The following KCNQ1OT1 variants were observed in gnomAD, a reference collection of about 807,000 sequenced individuals.
The protein encoded by KCNQ1OT1 is KCNQ1 antisense RNA 2 (non-protein coding).
In KCNQ1OT1 at chr11:2,652,780, C is replaced by T. The variant is rs145116772; in HGVS notation, n.47215G>A. 2.4e-3 allele frequency: 960 copies of T among 399,172 alleles called. 4 individuals are homozygous for T. The highest frequency in any genetic ancestry group is 0.017 in the African/African-American group (842 of 48,748). The allele number at this position is 399,172 out of a possible 1,614,324, so 24.7% of individuals were successfully genotyped here. A position where few individuals can be genotyped will look rare whatever the true frequency, so the allele number is the denominator to read the frequency against. ...CACTGCCTGTCTTCCTCAGCGCCCC[C>T]GCTACTCAGACCCCACCCTTGGGCC... On this transcript the variant is annotated non_coding_transcript_exon_variant, in exon 1 of 1. Transcript: ENST00000597346. The surrounding 1 kb of genome is among the most constrained non-coding windows in gnomAD (Gnocchi z 5.9).
In KCNQ1OT1 at chr11:2,674,149, G is replaced by A; in HGVS notation, n.25846C>T. 2.5e-6 allele frequency: 1 copy of A among 398,758 alleles called. No homozygotes were observed. The highest frequency in any genetic ancestry group is 4.4e-6 in the Non-Finnish European group (1 of 226,192). The allele number at this position is 398,758 out of a possible 1,614,324, so 24.7% of individuals were successfully genotyped here. The stretch of plus-strand genomic sequence containing the variant: ...CCGGGGCCACCCAGTGTGGGCTCAG[G>A]AAGGGAAGGAATGTGACCAAGGCTG... On this transcript the variant is annotated non_coding_transcript_exon_variant, in exon 1 of 1. Transcript: ENST00000597346. The surrounding 1 kb of genome is among the most constrained non-coding windows in gnomAD (Gnocchi z 5.9).
chr11:2,674,890 G>C lies in KCNQ1OT1; in HGVS notation n.25105C>G, dbSNP rs911579677. 1 of 380,806 alleles carries C rather than the reference G, an allele frequency of 2.6e-6. No individual in the cohort carries two copies. The highest frequency in any genetic ancestry group is 4.6e-6 in the Non-Finnish European group (1 of 217,592). 23.6% of individuals were successfully genotyped at this position (380,806 alleles called of 1,614,324 possible). On this transcript the variant is annotated non_coding_transcript_exon_variant, in exon 1 of 1. Transcript: ENST00000597346. The surrounding 1 kb of genome is among the most constrained non-coding windows in gnomAD (Gnocchi z 5.9). ...ACTGGGCACCTTGGCTGCAGGGTCT[G>C]AAAAGTCCTTTGTGTTAGCTCCAGC... is the stretch of plus-strand genomic sequence containing the variant.
exon 1 of KCNQ1OT1, chr11:2,699,673 C>T: frequency 5.6e-6 from 2 of 355,248 alleles, no homozygotes; most frequent in African/African-American, 2.2e-5. Context: ...CGGGGAGAAC[C>T]GCGCCGAAAA....
chr11:2,666,045 C>T lies in KCNQ1OT1; in HGVS notation n.33950G>A, dbSNP rs111519469. 8.6e-3 allele frequency: 3,419 copies of T among 398,654 alleles called. 20 individuals carry two copies. Among genetic ancestry groups the T allele is most frequent in the Admixed American group, 0.011 (257 of 22,742 alleles). The allele number at this position is 398,654 out of a possible 1,614,324, so 24.7% of individuals were successfully genotyped here. On this transcript the variant is annotated non_coding_transcript_exon_variant, in exon 1 of 1. Coordinates refer to ENST00000597346, the Ensembl canonical transcript of KCNQ1OT1. ...GTTGCACATGGATACCTGAGATAGA[C>T]GGCCCAAGAGGACAGGCCCATAAGC...
chr11:2,646,940 C>A, exon 1 of KCNQ1OT1: 1 of 398,608 alleles, frequency 2.5e-6, no homozygotes, highest in South Asian at 1.3e-4. Flanking sequence ...CTGCAAAGGA[C>A]AATATGACAT....
In KCNQ1OT1 at chr11:2,620,799, T is replaced by G. The variant is rs986744526; in HGVS notation, n.79196A>C. On this transcript the variant is annotated non_coding_transcript_exon_variant, in exon 1 of 1. Transcript: ENST00000597346. The surrounding 1 kb of genome is among the most constrained non-coding windows in gnomAD (Gnocchi z 4.5). ...GCACAGTGGCTGAACTAATTTGTAT[T>G]CCTGCCAACAGTGTATAAGCGTTCC... 2.5e-6 allele frequency: 1 copy of G among 398,542 alleles called. No homozygotes were observed. The highest frequency in any genetic ancestry group is 4.4e-6 in the Non-Finnish European group (1 of 226,086). 24.7% of individuals were successfully genotyped at this position (398,542 alleles called of 1,614,324 possible).
rs780637677 is a variant in KCNQ1OT1, at chr11:2,674,681, GT to G, written n.25313del. On this transcript the variant is annotated non_coding_transcript_exon_variant, in exon 1 of 1. Coordinates refer to ENST00000597346, the Ensembl canonical transcript of KCNQ1OT1. The surrounding 1 kb of genome is among the most constrained non-coding windows in gnomAD (Gnocchi z 5.9). ...TTTTGCAAAATAATTTGAAAAGTTTGTTGAACCTTAAACCTTTCCTGATGAC... is the reference window on the plus strand; with the variant it reads ...TTTTGCAAAATAATTTGAAAAGTTTGTGAACCTTAAACCTTTCCTGATGAC... 3.3e-4 allele frequency: 130 copies of G among 398,380 alleles called. No homozygotes were observed. Among genetic ancestry groups the G allele is most frequent in the Admixed American group, 4.4e-5 (1 of 22,708 alleles). The allele number at this position is 398,380 out of a possible 1,614,324, so 24.7% of individuals were successfully genotyped here.
chr11:2,610,064 C>T, exon 1 of KCNQ1OT1: 3 of 397,770 alleles, frequency 7.5e-6, no homozygotes, highest in Non-Finnish European at 1.3e-5. Context: ...TTGGTCTTTT[C>T]TATGTACTAT....
Position 2,691,186 on chromosome 11 carries a change from C to G in KCNQ1OT1, n.8809G>C. Reference sequence around the variant, plus strand: ...ACAGCCTTGGGAGGGGTGCTCAGAGCTCAGCTGTGTTTAAAAATTAGCAAG... The same window carrying G: ...ACAGCCTTGGGAGGGGTGCTCAGAGGTCAGCTGTGTTTAAAAATTAGCAAG... On this transcript the variant is annotated non_coding_transcript_exon_variant, in exon 1 of 1. Coordinates refer to ENST00000597346, the Ensembl canonical transcript of KCNQ1OT1. The surrounding 1 kb of genome is among the most constrained non-coding windows in gnomAD (Gnocchi z 6.4). 5.0e-6 allele frequency: 2 copies of G among 398,670 alleles called. No homozygotes were observed. The highest frequency in any genetic ancestry group is 4.4e-6 in the Non-Finnish European group (1 of 226,112). 24.7% of individuals were successfully genotyped at this position (398,670 alleles called of 1,614,324 possible).
exon 1 of KCNQ1OT1, chr11:2,655,287 G>A (rs1849825828): frequency 7.5e-6 from 3 of 398,576 alleles, no homozygotes; most frequent in Non-Finnish European, 1.3e-5. Flanking sequence ...GTTTTGTTCT[G>A]CCCTGAAAAT....
chr11:2,681,201 T>G (rs1326039998), exon 1 of KCNQ1OT1: 3 of 398,520 alleles, frequency 7.5e-6, no homozygotes, highest in Non-Finnish European at 1.3e-5. Flanking sequence ...TTTTGCAGTG[T>G]TTGTGTTCTA....
chr11:2,631,836 A>G (rs1222136241), exon 1 of KCNQ1OT1: 1 of 398,554 alleles, frequency 2.5e-6, no homozygotes, highest in Non-Finnish European at 4.4e-6. Context: ...TGTCGTGTAA[A>G]TAGAGTTGTG....
At position 2,674,847 on chromosome 11, in the gene KCNQ1OT1, A is replaced by AAT; in HGVS notation, n.25147_25148insAT. The AAT allele has an allele frequency of 2.5e-6, 1 of 396,740 alleles. No individual in the cohort carries two copies. Among genetic ancestry groups the AAT allele is most frequent in the Non-Finnish European group, 4.4e-6 (1 of 225,568 alleles). The allele number at this position is 396,740 out of a possible 1,614,324, so 24.6% of individuals were successfully genotyped here. On this transcript the variant is annotated non_coding_transcript_exon_variant, in exon 1 of 1. Transcript: ENST00000597346. This position sits in a 1 kb window ranked among gnomAD's most constrained non-coding sequence, Gnocchi z 5.9. ...AGCTGTTTTTTAAAAAAAAAAAAAA[A>AAT]AAAAAAAAAAAAAGCTCACTGGGCA...
At chr11:2,693,369 G>A in exon 1 of KCNQ1OT1, 1 of 398,760 alleles carries the variant, frequency 2.5e-6, no homozygotes, top group Non-Finnish European at 4.4e-6. Flanking sequence ...GCCGAGTCTG[G>A]CCAAGCAGCA....
Position 2,669,642 on chromosome 11 carries a change from T to C in KCNQ1OT1, n.30353A>G. 2 of 398,654 alleles carry C rather than the reference T, an allele frequency of 5.0e-6. No individual in the cohort carries two copies. Among genetic ancestry groups the C allele is most frequent in the Non-Finnish European group, 8.8e-6 (2 of 226,076 alleles). 24.7% of individuals were successfully genotyped at this position (398,654 alleles called of 1,614,324 possible). A position where few individuals can be genotyped will look rare whatever the true frequency, so the allele number is the denominator to read the frequency against. On this transcript the variant is annotated non_coding_transcript_exon_variant, in exon 1 of 1. Transcript: ENST00000597346. The surrounding 1 kb of genome is among the most constrained non-coding windows in gnomAD (Gnocchi z 5.6). The stretch of plus-strand genomic sequence containing the variant: ...CTATCAGCCTCAGTTTCCTCTTGTA[T>C]ACATTGGGAGTATATCTCACAGTAT...
chr11:2,614,105 C>T, exon 1 of KCNQ1OT1: 2 of 398,510 alleles, frequency 5.0e-6, no homozygotes, highest in Non-Finnish European at 8.8e-6. Context: ...GGCAGCTATG[C>T]TCACCATTCT....
At chr11:2,693,760 C>G (rs979218903) in exon 1 of KCNQ1OT1, 1 of 398,584 alleles carries the variant, frequency 2.5e-6, no homozygotes, top group African/African-American at 2.1e-5. Flanking sequence ...CTGCCAGTAA[C>G]CTGGACATGC....
chr11:2,693,777 C>T (rs933788783), exon 1 of KCNQ1OT1: 9 of 398,462 alleles, frequency 2.3e-5, no homozygotes, highest in Non-Finnish European at 3.5e-5. Context: ...ATGCTGGGGC[C>T]GGCCAGTTCA....
exon 1 of KCNQ1OT1, chr11:2,641,691 T>C (rs1849579509): frequency 2.5e-6 from 1 of 398,256 alleles, no homozygotes; most frequent in African/African-American, 2.1e-5. Context: ...TGAGGTCTTA[T>C]CCATAAAATC....
Sources: allele counts gnomAD v4.1 joint callset, GRCh38; gene constraint gnomAD v4.1.1; non-coding constraint Gnocchi (gnomAD v3.1); transcripts MANE v1.5; gene names NCBI Gene and HGNC (gene_info 2026-07-23, HGNC 2026-07-21).